POC5: variants seen among roughly 807,000 people sequenced by gnomAD.
POC5 encodes centrosomal protein POC5.
A neutral mutation model predicts 62.9 loss-of-function variants in POC5; 48 were observed. That is an observed-to-expected ratio of 0.76 (90% CI 0.61 to 0.97). POC5 has a LOEUF of 0.97. POC5 is among the 50% of genes least tolerant of loss of function. The pLI, the probability that POC5 is intolerant of heterozygous loss-of-function variation, is 0.00. For missense variants in POC5, 696 were observed against 679.5 expected (o/e 1.02, Z -0.27); for synonymous variants, 236 against 228.2 (o/e 1.03, Z -0.31).
At chr5:75,711,619 A>C (rs1399328327) in intron 2 of POC5, among the ~76,000 whole-genome samples, 2 of 152,174 alleles carry the variant, frequency 1.3e-5, no homozygotes, top group African/African-American at 4.8e-5. Flanking sequence ...AAGTGCTTCC[A>C]GTAGTGAAAC....
chr5:75,677,776 C>G lies in POC5; in HGVS notation c.1582G>C (p.Val528Leu). The G allele has an allele frequency of 1.2e-6, 2 of 1,602,280 alleles. No homozygotes were observed. The highest frequency in any genetic ancestry group is 2.2e-5 in the South Asian group (2 of 89,302). Residue 528 changes from valine (V) to leucine (L), a missense_variant and splice_region_variant, in exon 11 of 12, where the codon GTG becomes CTG. Physicochemically the swap from Val to Leu is conservative, Grantham distance 32. Coordinates refer to ENST00000428202, the MANE Select transcript of POC5 (RefSeq NM_001099271.2). ...AAGGTCATCAAATGTGGACTCACCA[C>G]TGTGACTGGATGATGTTTTTCCACA... is the stretch of plus-strand genomic sequence containing the variant. ...VVVEKHHPVTVQTIPQATAAK... is the reference protein window; with the variant it reads ...VVVEKHHPVTLQTIPQATAAK...
chr5:75,697,906 G>A (rs1488388328), intron 5 of POC5, among the ~76,000 whole-genome samples: 1 of 144,718 alleles, frequency 6.9e-6, no homozygotes, highest in Non-Finnish European at 1.5e-5. Flanking sequence ...AAAAAAGGCA[G>A]GGGTTGCAAT....
chr5:75,702,911 G>A lies in POC5; in HGVS notation c.308-101C>T, dbSNP rs1776951593. On this transcript the variant is annotated intron_variant, in intron 4 of 11. Transcript: ENST00000428202. Reference sequence around the variant, plus strand: ...CTAAAAGACGTCTGCTACTTATGGAGGCTGAGAAAAAATGCAGAGAAACTA... The same window carrying A: ...CTAAAAGACGTCTGCTACTTATGGAAGCTGAGAAAAAATGCAGAGAAACTA... 7.8e-6 allele frequency: 7 copies of A among 893,204 alleles called. No homozygotes were observed. The Admixed American group carries it at 1.7e-4, about 22-fold the overall frequency. The allele number at this position is 893,204 out of a possible 1,614,324, so 55.3% of individuals were successfully genotyped here.
intron 10 of POC5, among the ~76,000 whole-genome samples, chr5:75,681,497 A>C (rs985881985): frequency 1.3e-5 from 2 of 152,028 alleles, no homozygotes; most frequent in Non-Finnish European, 2.9e-5. Context: ...ATAACTGTCC[A>C]GCCTTTTTTG....
chr5:75,707,492 T>C (rs892471733), intron 3 of POC5: 8 of 349,620 alleles, frequency 2.3e-5, no homozygotes, highest in Admixed American at 2.0e-4. Context: ...TGCCATAGCA[T>C]TGCTTCAACT....
Position 75,689,030 on chromosome 5 carries a change from GA to G in POC5, c.1110del (p.Gln371LysfsTer8). 6.4e-7 allele frequency: 1 copy of G among 1,574,594 alleles called. No homozygotes were observed. Among genetic ancestry groups the G allele is most frequent in the Non-Finnish European group, 8.6e-7 (1 of 1,163,598 alleles). On this transcript the variant is annotated frameshift_variant, in exon 9 of 12. Transcript: ENST00000428202. LOFTEE classifies it high-confidence loss of function. ...TACTAACCTGCATCATTTCTGTTTT[GA>G]AATATAGTCATGGCTTCAAGATTTA... ...CALNLEAMTI[F>X]QNRNDAGIDS...
At chr5:75,690,168 C>T (rs1229775192) in intron 8 of POC5, among the ~76,000 whole-genome samples, 4 of 152,110 alleles carry the variant, frequency 2.6e-5, no homozygotes, top group South Asian at 4.1e-4. Flanking sequence ...AGTGAGGCAC[C>T]GCGCCCAACT....
intron 11 of POC5, among the ~76,000 whole-genome samples, chr5:75,675,660 G>A (rs1775622543): frequency 6.6e-6 from 1 of 152,120 alleles, no homozygotes; most frequent in South Asian, 2.1e-4. Flanking sequence ...ATAAATAGGA[G>A]ATACTCTTGC....
At chr5:75,715,234 C>T (rs111677149) in intron 1 of POC5, among the ~76,000 whole-genome samples, 25,311 of 145,518 alleles carry the variant, frequency 0.17, 2,358 homozygotes, top group South Asian at 0.22. Flanking sequence ...GGCGTGAACC[C>T]GGGAGGCGGA....
At chr5:75,690,351 G>C (rs769546346) in intron 8 of POC5, 32 bp downstream of exon 8, 2 of 1,558,458 alleles carry the variant, frequency 1.3e-6, no homozygotes, top group Middle Eastern at 3.4e-4. Context: ...TATTGTATTA[G>C]AAGAAAGTGA....
intron 11 of POC5, 194 bp downstream of exon 11, chr5:75,677,580 C>G (rs16872760): frequency 2.9e-5 from 10 of 345,384 alleles, no homozygotes; most frequent in Non-Finnish European, 4.5e-5. Context: ...ACAGCAGAAA[C>G]GTAGATTTAT....
chr5:75,701,578 G>A (rs1241071866), intron 5 of POC5, among the ~76,000 whole-genome samples: 1 of 121,806 alleles, frequency 8.2e-6, no homozygotes, highest in African/African-American at 3.0e-5. Context: ...TGTTGGGTGG[G>A]GGGAGGGGGG....
intron 8 of POC5, chr5:75,689,494 T>C: frequency 8.1e-6 from 8 of 983,538 alleles, no homozygotes; most frequent in Non-Finnish European, 9.7e-6. Context: ...TTAAACAAAA[T>C]ACATTAAGAG....
rs1554075830 is a variant in POC5, at chr5:75,716,390, G to GGGGGT, written c.-15+915_-15+916insACCCC. 4.5e-4 allele frequency among the ~76,000 whole-genome samples: 43 copies of GGGGGT among 94,590 alleles called. 1 individual carries two copies. The highest frequency in any genetic ancestry group is 1.7e-3 in the African/African-American group (42 of 24,888). 62.1% of individuals were successfully genotyped at this position (94,590 alleles called of 152,430 possible). ...CCAGGCAGGTAACAGGGGTGGGGGGGGGGGGGTGCTGATTATTTAAAAATG... is the reference window on the plus strand; with the variant it reads ...CCAGGCAGGTAACAGGGGTGGGGGGGGGGGTGGGGGGTGCTGATTATTTAAAAATG... On this transcript the variant is annotated intron_variant, in intron 1 of 11. Coordinates refer to ENST00000428202, the MANE Select transcript of POC5 (RefSeq NM_001099271.2).
intron 7 of POC5, 58 bp from the exon 8 acceptor site, chr5:75,690,620 G>A (rs556769519): frequency 7.6e-7 from 1 of 1,314,364 alleles, no homozygotes; most frequent in Admixed American, 2.3e-5. Context: ...TATATTGGTA[G>A]TAATAATAAA....
chr5:75,717,151 A>G (rs1426952527), intron 1 of POC5, among the ~76,000 whole-genome samples, 155 bp downstream of exon 1: 1 of 152,054 alleles, frequency 6.6e-6, no homozygotes, highest in Non-Finnish European at 1.5e-5. Flanking sequence ...CTCGGAGGGG[A>G]AACTTTGGGA....
intron 5 of POC5, among the ~76,000 whole-genome samples, chr5:75,697,551 G>A (rs1776660525): frequency 6.6e-6 from 1 of 152,034 alleles, no homozygotes; most frequent in African/African-American, 2.4e-5. Flanking sequence ...AGCTCCTGAA[G>A]GAAGTGCTAA....
Position 75,692,442 on chromosome 5 carries a change from C to T in POC5, c.749G>A (p.Arg250Lys). The T allele has an allele frequency of 6.3e-7, 1 of 1,597,658 alleles. No individual in the cohort carries two copies. The highest frequency in any genetic ancestry group is 8.5e-7 in the Non-Finnish European group (1 of 1,171,612). The change falls in exon 7 of 12, where the codon AGA (arginine) becomes AAA (lysine). Residue 250 changes from arginine (R) to lysine (K), a missense_variant. Coordinates refer to ENST00000428202, the MANE Select transcript of POC5 (RefSeq NM_001099271.2). ...GKQKEKIELM[R>K]TFFHWRIGHV... The stretch of plus-strand genomic sequence containing the variant: ...GCCGATTCGCCAGTGGAAGAATGTT[C>T]TCATCAACTCTATCTTTTCCTTTTG...
At chr5:75,686,540 G>A (rs1776104765) in intron 9 of POC5, among the ~76,000 whole-genome samples, 1 of 152,080 alleles carries the variant, frequency 6.6e-6, no homozygotes, top group African/African-American at 2.4e-5. Context: ...CTGATGAAAG[G>A]GACTAATTCA....
Sources: gnomAD v4.1 joint callset for allele counts (sites outside exome capture counted in the v4.1 genomes callset) on GRCh38, gnomAD v4.1.1 for gene constraint, MANE v1.5 for transcripts, NCBI Gene and HGNC (gene_info 2026-07-23, HGNC 2026-07-21) for gene names.